DHX15: variants seen among roughly 807,000 people sequenced by gnomAD.
DHX15 encodes the protein ATP-dependent RNA helicase DHX15.
In DHX15, 11 loss-of-function variants were observed where a neutral mutation model predicts 94.4. The ratio of observed to expected loss-of-function variants is 0.12; its 90% CI spans 0.07 to 0.19. The LOEUF (loss-of-function observed/expected upper bound fraction) is 0.19. Among genes scored for constraint, DHX15 ranks in the 10% least tolerant of loss-of-function variants. The pLI is 1.00. For missense variants in DHX15, 304 were observed against 988.5 expected (o/e 0.31, Z 9.29); for synonymous variants, 338 against 329.9 (o/e 1.02, Z -0.27).
At chr4:24,579,497 T>A (rs1034464004) in intron 1 of DHX15, among the ~76,000 whole-genome samples, 1 of 152,204 alleles carries the variant, frequency 6.6e-6, no homozygotes, top group African/African-American at 2.4e-5. Flanking sequence ...TGGTATCAAG[T>A]CAGTGCTTCA....
intron 10 of DHX15, among the ~76,000 whole-genome samples, chr4:24,539,501 T>C (rs1721262384): frequency 6.6e-6 from 1 of 152,170 alleles, no homozygotes; most frequent in African/African-American, 2.4e-5. Context: ...AATGGTCCAA[T>C]TTTACAAAAT....
chr4:24,569,839 G>A (rs1343283652), intron 3 of DHX15, among the ~76,000 whole-genome samples: 1 of 152,132 alleles, frequency 6.6e-6, no homozygotes, highest in East Asian at 1.9e-4. Flanking sequence ...GGCATGATCA[G>A]AGCACACTGT....
At chr4:24,570,579 T>G in intron 3 of DHX15, 75 bp downstream of exon 3, 1 of 1,411,204 alleles carries the variant, frequency 7.1e-7, no homozygotes, top group Non-Finnish European at 9.9e-7. Flanking sequence ...AAGCCTGCAC[T>G]AGCAAAGTCT....
chr4:24,547,783 T>C (rs1036629882), intron 6 of DHX15, among the ~76,000 whole-genome samples: 1 of 149,838 alleles, frequency 6.7e-6, no homozygotes, highest in South Asian at 2.1e-4. Flanking sequence ...AGACCCCATG[T>C]TGTTTAAAAA....
At chr4:24,547,268 T>C (rs1721445122) in intron 6 of DHX15, among the ~76,000 whole-genome samples, 1 of 152,202 alleles carries the variant, frequency 6.6e-6, no homozygotes, top group South Asian at 2.1e-4. Flanking sequence ...AGCCCCTAGT[T>C]TTGAATTATA....
chr4:24,550,208 T>TA (rs1022544732), intron 5 of DHX15, among the ~76,000 whole-genome samples: 36 of 151,676 alleles, frequency 2.4e-4, no homozygotes, highest in African/African-American at 8.5e-4. Context: ...AGTGAGTACT[T>TA]AGTGAATGTG....
intron 5 of DHX15, 28 bp from the exon 6 acceptor site, chr4:24,549,050 G>A (rs200053633): frequency 3.4e-5 from 53 of 1,579,534 alleles, no homozygotes; most frequent in Non-Finnish European, 4.5e-5. Context: ...GTCTAAAAAC[G>A]AATACTGAAA....
rs933305362 is a variant in DHX15, at chr4:24,583,735, C to T, written c.71+588G>A. 3.3e-5 allele frequency among the ~76,000 whole-genome samples: 5 copies of T among 152,132 alleles called. No homozygotes were observed. The South Asian group carries it at 6.2e-4, about 19-fold the overall frequency. ...CTTTCTCCCGGCAGGTCCTCTACTCCCACCTCCCCCGAGAACTCCCTATTT... is the reference window on the plus strand; with the variant it reads ...CTTTCTCCCGGCAGGTCCTCTACTCTCACCTCCCCCGAGAACTCCCTATTT... On this transcript the variant is annotated intron_variant, in intron 1 of 13. Coordinates refer to ENST00000336812, the MANE Select transcript of DHX15 (RefSeq NM_001358.3).
At chr4:24,534,348 T>C (rs531712105) in intron 11 of DHX15, 1 of 152,348 alleles carries the variant, frequency 6.6e-6, no homozygotes, top group South Asian at 2.1e-4. Context: ...TTGCAGACTA[T>C]GGCTTGAAAT....
rs1341238037 is a variant in DHX15, at chr4:24,536,992, A to T, written c.1909+59T>A. On this transcript the variant is annotated intron_variant, in intron 11 of 13. Transcript: ENST00000336812. Reference sequence around the variant, plus strand: ...ATAAATCAAAGTGGGACAAAGAAACATCTTATACACTGCAAGTGACATTTA... The same window carrying T: ...ATAAATCAAAGTGGGACAAAGAAACTTCTTATACACTGCAAGTGACATTTA... 9.0e-6 allele frequency: 14 copies of T among 1,560,908 alleles called. No homozygotes were observed. In the East Asian group the frequency reaches 9.1e-5, roughly 10 times the overall value.
chr4:24,555,408 T>G (rs971368755), intron 4 of DHX15, among the ~76,000 whole-genome samples: 2 of 152,062 alleles, frequency 1.3e-5, no homozygotes, highest in Admixed American at 1.3e-4. Context: ...AAAACCTTGG[T>G]AGCACAATAA....
Position 24,555,011 on chromosome 4 carries a change from A to T in DHX15, c.862-68T>A. On this transcript the variant is annotated intron_variant, in intron 4 of 13. Transcript: ENST00000336812. ...TCTTACATGGTCTTACAGTATAGCA[A>T]TATTTACTATTCTACATATATCAGC... is the stretch of plus-strand genomic sequence containing the variant. 5 of 1,222,836 alleles carry T rather than the reference A, an allele frequency of 4.1e-6. No individual in the cohort carries two copies. The South Asian group carries it at 5.1e-5, about 13-fold the overall frequency. 75.7% of individuals were successfully genotyped at this position (1,222,836 alleles called of 1,614,324 possible).
chr4:24,584,447 G>A lies in DHX15; in HGVS notation c.-54C>T. 2.6e-6 allele frequency: 4 copies of A among 1,561,338 alleles called. No homozygotes were observed. Among genetic ancestry groups the A allele is most frequent in the Non-Finnish European group, 2.6e-6 (3 of 1,145,134 alleles). On this transcript the variant is annotated 5_prime_UTR_variant, in exon 1 of 14. Coordinates refer to ENST00000336812, the MANE Select transcript of DHX15 (RefSeq NM_001358.3). ...AAGGAAGAAAGCTGGCTGCTGTATG[G>A]GCACAGTCGAGGACAGCCACTTAAC...
At chr4:24,574,228 A>AAAAAAAAAAAAAAAAAT (rs1722191854) in intron 2 of DHX15, among the ~76,000 whole-genome samples, 1 of 144,490 alleles carries the variant, frequency 6.9e-6, no homozygotes, top group Admixed American at 6.9e-5. Flanking sequence ...AAAAAAAAAA[A>AAAAAAAAAAAAAAAAAT]GTTAAAGTCA....
chr4:24,533,943 C>A (rs960098595), intron 11 of DHX15: 1 of 152,222 alleles, frequency 6.6e-6, no homozygotes, highest in African/African-American at 2.4e-5. Context: ...ATACTCTTTT[C>A]TCTTTGGTTC....
At chr4:24,539,895 TTTAC>T (rs1361173493) in intron 10 of DHX15, 4 of 365,082 alleles carry the variant, frequency 1.1e-5, no homozygotes, top group African/African-American at 2.1e-5. Context: ...GAGCCAATGC[TTTAC>T]TTATCTTTTG....
chr4:24,576,598 C>A lies in DHX15; in HGVS notation c.152G>T (p.Arg51Leu). 2 of 1,614,102 alleles carry A rather than the reference C, an allele frequency of 1.2e-6. No homozygotes were observed. Among genetic ancestry groups the A allele is most frequent in the African/African-American group, 1.3e-5 (1 of 75,038 alleles). ...CTTCTCCTTTTCTTTCTCCCTCTCT[C>A]GCTCTCTATCTCCTCTATCACGTTC... Reference protein sequence around the residue: ...DRERDRGDREREREKEKEKEL... With the variant: ...DRERDRGDRELEREKEKEKEL... The change falls in exon 2 of 14, where the codon CGA becomes CTA. Residue 51 changes from arginine (R) to leucine (L), a missense_variant. Arg to Leu is a moderately radical substitution (Grantham distance 102, BLOSUM62 -2). Coordinates refer to ENST00000336812, the MANE Select transcript of DHX15 (RefSeq NM_001358.3).
chr4:24,570,513 G>T, intron 3 of DHX15, 141 bp downstream of exon 3: 1 of 616,434 alleles, frequency 1.6e-6, no homozygotes, highest in Non-Finnish European at 2.8e-6. Flanking sequence ...TTAAACTAAG[G>T]TCATGTGGTA....
intron 1 of DHX15, among the ~76,000 whole-genome samples, chr4:24,582,852 G>A (rs914141312): frequency 2.2e-4 from 34 of 152,166 alleles, no homozygotes; most frequent in African/African-American, 8.2e-4. Context: ...TAATGGTGGG[G>A]GAGGGTGATA....
Sources: gnomAD v4.1 joint callset for allele counts (sites outside exome capture counted in the v4.1 genomes callset) on GRCh38, gnomAD v4.1.1 for gene constraint, MANE v1.5 for transcripts, NCBI Gene and HGNC (gene_info 2026-07-23, HGNC 2026-07-21) for gene names.